TRRAP: variants seen among roughly 807,000 people sequenced by gnomAD.
TRRAP encodes transformation/transcription domain-associated protein.
In TRRAP, 41 loss-of-function variants were observed where a neutral mutation model predicts 438.8. The observed-to-expected ratio is 0.09, with a 90% CI of 0.07 to 0.12. TRRAP has a LOEUF of 0.12. TRRAP is among the 10% of genes least tolerant of loss of function. The probability of loss-of-function intolerance (pLI) is 1.00; values close to 1 mark genes in which losing one functional copy is unlikely to be tolerated. For missense variants in TRRAP, 3,122 were observed against 5,055.1 expected (o/e 0.62, Z 11.60); for synonymous variants, 1,994 against 1,962.9 (o/e 1.02, Z -0.42).
chr7:98,935,697 G>C (rs1554414099), intron 28 of TRRAP, 22 bp downstream of exon 28: 1 of 1,566,432 alleles, frequency 6.4e-7, no homozygotes, highest in South Asian at 1.2e-5. Context: ...AAAATCTACG[G>C]GGTATAAAAG....
At chr7:98,999,969 G>T in intron 67 of TRRAP, 1 of 213,094 alleles carries the variant, frequency 4.7e-6, no homozygotes, top group Non-Finnish European at 9.1e-6. Context: ...CAGAAAAAAA[G>T]GATGTCAGCA....
chr7:99,009,961 C>T (rs1320837310), intron 70 of TRRAP, among the ~76,000 whole-genome samples: 1 of 148,940 alleles, frequency 6.7e-6, no homozygotes, highest in Non-Finnish European at 1.5e-5. Flanking sequence ...GATCTCGGCT[C>T]ACCGCATCCT....
Position 98,948,782 on chromosome 7 carries a change from C to T in TRRAP, c.4788+97C>T. 1 of 1,567,540 alleles carries T rather than the reference C, an allele frequency of 6.4e-7. No individual in the cohort carries two copies. The highest frequency in any genetic ancestry group is 8.6e-7 in the Non-Finnish European group (1 of 1,158,008). On this transcript the variant is annotated intron_variant, in intron 35 of 72. Coordinates refer to ENST00000456197, the MANE Select transcript of TRRAP (RefSeq NM_001375524.1). This position sits in a 1 kb window ranked among gnomAD's most constrained non-coding sequence, Gnocchi z 4.9. ...AGTTCATATTTCACTATTCAGTGTCCTGGCTGCTTTTTTTTCAGATCCATT... is the reference window on the plus strand; with the variant it reads ...AGTTCATATTTCACTATTCAGTGTCTTGGCTGCTTTTTTTTCAGATCCATT...
chr7:98,909,993 C>T, intron 14 of TRRAP, 63 bp from the exon 15 acceptor site: 1 of 1,507,522 alleles, frequency 6.6e-7, no homozygotes, highest in East Asian at 2.3e-5. Flanking sequence ...GTGATCTGAG[C>T]AGTATTTGGC....
intron 26 of TRRAP, among the ~76,000 whole-genome samples, chr7:98,931,993 CA>C (rs1562947795): frequency 6.6e-6 from 1 of 151,884 alleles, no homozygotes; most frequent in Non-Finnish European, 1.5e-5. Flanking sequence ...TAGCTCACTG[CA>C]GCCTGGAACT....
intron 37 of TRRAP, 91 bp downstream of exon 37, chr7:98,949,932 C>T: frequency 6.4e-7 from 1 of 1,567,130 alleles, no homozygotes; most frequent in Non-Finnish European, 8.7e-7. Context: ...AGGCTGTGGT[C>T]ATTGGATGCG....
At chr7:98,945,413 C>T (rs1791003816) in intron 31 of TRRAP, among the ~76,000 whole-genome samples, 4 of 152,130 alleles carry the variant, frequency 2.6e-5, no homozygotes, top group Admixed American at 1.3e-4. Flanking sequence ...AAAATTTGTT[C>T]ACTCTACAAA....
chr7:98,993,505 C>T (rs760083940), intron 65 of TRRAP, 33 bp from the exon 66 acceptor site: 16 of 1,600,840 alleles, frequency 1.0e-5, no homozygotes, highest in South Asian at 2.2e-5. Flanking sequence ...GTCGGTTTTG[C>T]GCTGACACTG....
chr7:98,935,173 T>TTTTAATTCAATAA (rs1790503261), intron 27 of TRRAP, among the ~76,000 whole-genome samples: 1 of 152,244 alleles, frequency 6.6e-6, no homozygotes, highest in South Asian at 2.1e-4. Context: ...ATATTTGAAT[T>TTTTAATTCAATAA]ATAGCCCATC....
At position 98,917,592 on chromosome 7, in the gene TRRAP, C is replaced by A. The variant is rs1308510122; in HGVS notation, c.2535C>A (p.Gly845=). ...GGTCTCAGACATTGGTCAGCCAAGG[C>A]CTCAGGACGCTGGAGCTGTGTGTGG... ...LNGSQTLVSQ[G]LRTLELCVDN... Residue 845 remains glycine (G), a synonymous_variant, in exon 20 of 73, where the codon GGC becomes GGA. Transcript: ENST00000456197. The A allele has an allele frequency of 6.2e-7, 1 of 1,614,078 alleles. No homozygotes were observed. Among genetic ancestry groups the A allele is most frequent in the Non-Finnish European group, 8.5e-7 (1 of 1,180,040 alleles).
intron 38 of TRRAP, among the ~76,000 whole-genome samples, chr7:98,950,606 A>T (rs1791290333): frequency 6.6e-6 from 1 of 152,218 alleles, no homozygotes; most frequent in Non-Finnish European, 1.5e-5. Flanking sequence ...GGAGTGACCC[A>T]GTGTTGAAGG....
chr7:98,973,066 A>G (rs1036042307), intron 53 of TRRAP, among the ~76,000 whole-genome samples: 1 of 151,978 alleles, frequency 6.6e-6, no homozygotes, highest in Admixed American at 6.6e-5. Context: ...AGCAACCTCC[A>G]TCTCCCAGGT....
chr7:98,970,417 G>A lies in TRRAP; in HGVS notation c.7692+126G>A, dbSNP rs1433294201. ...GGCAGAATCCCAGAGAGGAGGTGAGGCCCCGCGCCCCACGGGCAGAATCCC... is the reference window on the plus strand; with the variant it reads ...GGCAGAATCCCAGAGAGGAGGTGAGACCCCGCGCCCCACGGGCAGAATCCC... On this transcript the variant is annotated intron_variant, in intron 52 of 72. Coordinates refer to ENST00000456197, the MANE Select transcript of TRRAP (RefSeq NM_001375524.1). The A allele has an allele frequency of 7.5e-5, 91 of 1,210,184 alleles. 1 individual carries two copies. The South Asian group carries it at 1.3e-3, about 17-fold the overall frequency. 75.0% of individuals were successfully genotyped at this position (1,210,184 alleles called of 1,614,324 possible). A position where few individuals can be genotyped will look rare whatever the true frequency, so the allele number is the denominator to read the frequency against.
intron 67 of TRRAP, among the ~76,000 whole-genome samples, chr7:98,995,754 A>G (rs1218360792): frequency 7.8e-6 from 1 of 127,802 alleles, no homozygotes; most frequent in Non-Finnish European, 1.6e-5. Context: ...CACCCCATCC[A>G]CTCACCTGTA....
At chr7:98,997,483 CAAAAAAAAAAAAA>C (rs61132070) in intron 67 of TRRAP, among the ~76,000 whole-genome samples, 21 of 42,626 alleles carry the variant, frequency 4.9e-4, no homozygotes, top group South Asian at 4.5e-3. Context: ...ACTGCTGTTG[CAAAAAAAAAAAAA>C]AAAAAAAAAA....
At chr7:99,001,624 C>T (rs112178746) in intron 67 of TRRAP, among the ~76,000 whole-genome samples, 3 of 152,268 alleles carry the variant, frequency 2.0e-5, no homozygotes, top group Non-Finnish European at 2.9e-5. Flanking sequence ...GTCTCAGACA[C>T]GCACAGCCAG....
chr7:99,011,159 C>A lies in TRRAP; in HGVS notation c.11046C>A (p.Phe3682Leu), dbSNP rs757433354. 2.5e-6 allele frequency: 4 copies of A among 1,614,166 alleles called. No homozygotes were observed. The highest frequency in any genetic ancestry group is 3.4e-6 in the Non-Finnish European group (4 of 1,180,036). ...TFPNATDYWT[F>L]RKMFTIQLAL... ...CCAATGCCACGGACTACTGGACGTT[C>A]CGGAAGATGTTCACCATCCAGCTGG... The change falls in exon 71 of 73, where the codon TTC becomes TTA. Residue 3682 changes from phenylalanine (F) to leucine (L), a missense_variant. Coordinates refer to ENST00000456197, the MANE Select transcript of TRRAP (RefSeq NM_001375524.1). The surrounding 1 kb of genome is among the most constrained non-coding windows in gnomAD (Gnocchi z 7.1).
At position 98,994,476 on chromosome 7, in the gene TRRAP, A is replaced by C; in HGVS notation, c.10048-111A>C. 6.9e-7 allele frequency: 1 copy of C among 1,457,632 alleles called. No individual in the cohort carries two copies. Among genetic ancestry groups the C allele is most frequent in the South Asian group, 1.3e-5 (1 of 77,262 alleles). 90.3% of individuals were successfully genotyped at this position (1,457,632 alleles called of 1,614,324 possible). Reference sequence around the variant, plus strand: ...CTGCTGTGTGTGGGTCCTGCCGGGGAGTGCAGAGATGACCCTGGGCTGGGA... The same window carrying C: ...CTGCTGTGTGTGGGTCCTGCCGGGGCGTGCAGAGATGACCCTGGGCTGGGA... On this transcript the variant is annotated intron_variant, in intron 66 of 72. Transcript: ENST00000456197. This position sits in a 1 kb window ranked among gnomAD's most constrained non-coding sequence, Gnocchi z 4.8.
chr7:98,989,030 T>C, intron 63 of TRRAP, 64 bp downstream of exon 63: 1 of 1,536,986 alleles, frequency 6.5e-7, no homozygotes. Context: ...GGACAGAAAT[T>C]TAGCTATAGT....
Sources: allele counts gnomAD v4.1 joint callset (sites outside exome capture counted in the v4.1 genomes callset), GRCh38; gene constraint gnomAD v4.1.1; non-coding constraint Gnocchi (gnomAD v3.1); transcripts MANE v1.5; gene names NCBI Gene and HGNC (gene_info 2026-07-23, HGNC 2026-07-21).